The following PCDH15 variants were observed in gnomAD, a reference collection of about 807,000 sequenced individuals.
PCDH15 encodes the protein protocadherin-15.
PCDH15 carries 129 observed loss-of-function variants against 178.5 expected under a neutral mutation model. The observed-to-expected ratio is 0.72, with a 90% CI of 0.63 to 0.84. The LOEUF (loss-of-function observed/expected upper bound fraction) is 0.84, where lower values mean the gene tolerates loss of function less well. Ranked by LOEUF, PCDH15 falls within the 40% of genes least tolerant of loss-of-function variation. The probability of loss-of-function intolerance (pLI) is 0.00; values close to 1 mark genes in which losing one functional copy is unlikely to be tolerated. For synonymous variants in PCDH15, 800 were observed against 732.0 expected (o/e 1.09, Z -1.50); for missense variants, 2,230 against 2,099.9 (o/e 1.06, Z -1.21).
chr10:54,710,011 T>C (rs1462359435), intron 1 of PCDH15, among the ~76,000 whole-genome samples: 1 of 151,066 alleles, frequency 6.6e-6, no homozygotes, highest in South Asian at 2.1e-4. Context: ...TAAATATGTA[T>C]ATATTACATA....
intron 2 of PCDH15, among the ~76,000 whole-genome samples, chr10:55,026,988 A>G (rs1371823143): frequency 6.6e-6 from 1 of 151,954 alleles, no homozygotes; most frequent in African/African-American, 2.4e-5. Flanking sequence ...GCACGGGCCA[A>G]AGATAAATTA....
intron 20 of PCDH15, among the ~76,000 whole-genome samples, chr10:54,004,235 G>T (rs2092298521): frequency 6.6e-6 from 1 of 151,948 alleles, no homozygotes; most frequent in Non-Finnish European, 1.5e-5. Flanking sequence ...ACACAACCAG[G>T]ATGCCCACTA....
At chr10:55,116,287 G>T (rs1451853988) in intron 2 of PCDH15, among the ~76,000 whole-genome samples, 1 of 152,040 alleles carries the variant, frequency 6.6e-6, no homozygotes, top group African/African-American at 2.4e-5. Context: ...AATCTATTAA[G>T]ATTATTTACA....
At chr10:54,819,316 T>C (rs958125731) in intron 3 of PCDH15, among the ~76,000 whole-genome samples, 4 of 152,084 alleles carry the variant, frequency 2.6e-5, no homozygotes, top group African/African-American at 4.8e-5. Flanking sequence ...TTGCTCATAT[T>C]TGGGGTCTTT....
chr10:53,929,102 T>C (rs1564794123), intron 25 of PCDH15, among the ~76,000 whole-genome samples: 1 of 152,064 alleles, frequency 6.6e-6, no homozygotes, highest in African/African-American at 2.4e-5. Flanking sequence ...TTTTGAAAAG[T>C]CTGATTATAT....
intron 2 of PCDH15, among the ~76,000 whole-genome samples, chr10:55,123,951 A>G (rs1180328906): frequency 1.3e-5 from 2 of 152,148 alleles, no homozygotes; most frequent in African/African-American, 4.8e-5. Context: ...TGGGGCCTGA[A>G]GCAGGCTGGA....
intron 26 of PCDH15, among the ~76,000 whole-genome samples, chr10:53,898,187 T>C (rs1269267090): frequency 6.6e-6 from 1 of 151,868 alleles, no homozygotes; most frequent in Non-Finnish European, 1.5e-5. Context: ...CAGGATGGTC[T>C]GGATCTCCTG....
chr10:54,759,794 C>G (rs1170219765), intron 1 of PCDH15, among the ~76,000 whole-genome samples: 1 of 152,144 alleles, frequency 6.6e-6, no homozygotes, highest in Non-Finnish European at 1.5e-5. Flanking sequence ...GGTTTTATCA[C>G]CTATCCTACA....
chr10:54,236,138 A>G (rs927989951), intron 9 of PCDH15, among the ~76,000 whole-genome samples: 3 of 152,062 alleles, frequency 2.0e-5, no homozygotes, highest in Non-Finnish European at 4.4e-5. Flanking sequence ...CCCTTAAAAG[A>G]TATATAGCCT....
At chr10:55,462,827 T>C (rs1255940731) in intron 2 of PCDH15, among the ~76,000 whole-genome samples, 3 of 152,108 alleles carry the variant, frequency 2.0e-5, no homozygotes, top group South Asian at 2.1e-4. Flanking sequence ...GTATATGTTA[T>C]ACTAAATCCA....
At chr10:54,605,034 C>T (rs1283858456) in intron 2 of PCDH15, among the ~76,000 whole-genome samples, 1 of 151,772 alleles carries the variant, frequency 6.6e-6, no homozygotes, top group Non-Finnish European at 1.5e-5. Flanking sequence ...AAAAACTTCA[C>T]ATTTTTACCT....
intron 1 of PCDH15, among the ~76,000 whole-genome samples, chr10:55,170,000 G>C (rs1016273697): frequency 6.6e-6 from 1 of 151,942 alleles, no homozygotes; most frequent in Non-Finnish European, 1.5e-5. Flanking sequence ...AGGAAGGAAG[G>C]AAGGAAGGAA....
chr10:55,071,615 C>A (rs1564770727), intron 2 of PCDH15, among the ~76,000 whole-genome samples: 1 of 152,102 alleles, frequency 6.6e-6, no homozygotes, highest in African/African-American at 2.4e-5. Context: ...GAGTGACCAA[C>A]AAAGAGACTT....
intron 6 of PCDH15, among the ~76,000 whole-genome samples, chr10:54,337,881 C>A (rs139271257): frequency 6.6e-6 from 1 of 152,254 alleles, no homozygotes; most frequent in Non-Finnish European, 1.5e-5. Flanking sequence ...AACCCTAACC[C>A]TCTCTTTGTT....
intron 8 of PCDH15, among the ~76,000 whole-genome samples, 172 bp downstream of exon 8, chr10:54,317,099 T>C (rs1310768045): frequency 6.6e-6 from 1 of 152,236 alleles, no homozygotes; most frequent in East Asian, 1.9e-4. Context: ...AATTACTCTT[T>C]GTGTTAAAAA....
chr10:54,574,125 C>T (rs1390765857), intron 2 of PCDH15, among the ~76,000 whole-genome samples: 2 of 151,396 alleles, frequency 1.3e-5, no homozygotes, highest in Non-Finnish European at 1.5e-5. Flanking sequence ...AATGGTAATG[C>T]CTAGGTTTTC....
At position 55,459,639 on chromosome 10, in the gene PCDH15, G is replaced by T. The variant is rs551868162; in HGVS notation, c.-156+167986C>A. The stretch of plus-strand genomic sequence containing the variant: ...ATGGTGGCCATGAGCCTCATAATTG[G>T]TAGTGGTTACAGGGTAAGAGAAAAG... On this transcript the variant is annotated intron_variant, in intron 2 of 5. Coordinates refer to the PCDH15 transcript ENST00000613346. Among the ~76,000 whole-genome samples the T allele has an allele frequency of 2.0e-5, 3 of 152,168 alleles. No homozygotes were observed. The East Asian group carries it at 5.8e-4, about 29-fold the overall frequency.
chr10:55,359,343 C>G (rs1845163747), intron 2 of PCDH15, among the ~76,000 whole-genome samples: 1 of 151,788 alleles, frequency 6.6e-6, no homozygotes, highest in Admixed American at 6.6e-5. Flanking sequence ...TTTATCTTCT[C>G]TTCATGCCAT....
chr10:54,877,936 C>CTTTTTTTTTTTTTTT (rs1954176789), intron 3 of PCDH15, among the ~76,000 whole-genome samples: 1 of 104,350 alleles, frequency 9.6e-6, no homozygotes, highest in Non-Finnish European at 2.0e-5. Flanking sequence ...CTCTCTCTCT[C>CTTTTTTTTTTTTTTT]TCTTTTTTTT....
Sources: gnomAD v4.1 joint callset for allele counts (sites outside exome capture counted in the v4.1 genomes callset) on GRCh38, gnomAD v4.1.1 for gene constraint, MANE v1.5 for transcripts, NCBI Gene and HGNC (gene_info 2026-07-23, HGNC 2026-07-21) for gene names.